TMEM237: variants seen among roughly 807,000 people sequenced by gnomAD.
TMEM237 encodes the protein transmembrane protein 237, also known as amyotrophic lateral sclerosis 2 (juvenile) chromosome region, candidate 4.
TMEM237 carries 51 observed loss-of-function variants against 59.1 expected under a neutral mutation model. The observed-to-expected ratio is 0.86, with a 90% CI of 0.69 to 1.09. The LOEUF is 1.09. Ranked by LOEUF, TMEM237 falls within the 50% of genes least tolerant of loss-of-function variation. TMEM237 has a pLI of 0.00. For missense variants in TMEM237, 475 were observed against 478.3 expected, an observed-to-expected ratio of 0.99 and a Z score of 0.06; for synonymous variants, 140 against 166.1, an observed-to-expected ratio of 0.84 and a Z score of 1.21.
chr2:201,631,373 T>C (rs1040472063), intron 7 of TMEM237: 4 of 152,196 alleles, frequency 2.6e-5, no homozygotes, highest in Non-Finnish European at 5.9e-5. Flanking sequence ...GTCGGTGGTA[T>C]TTTGTTATAG....
chr2:201,623,161 A>G lies in TMEM237; in HGVS notation c.*1094T>C. 3.4e-6 allele frequency: 1 copy of G among 290,238 alleles called. No individual in the cohort carries two copies. 18.0% of individuals were successfully genotyped at this position (290,238 alleles called of 1,614,324 possible). On this transcript the variant is annotated 3_prime_UTR_variant, in exon 13 of 13. Coordinates refer to ENST00000409883, the MANE Select transcript of TMEM237 (RefSeq NM_001044385.3). ...TCAGGGTCAACTGTCTCTATCATCA[A>G]TTTGTCAATCCTCTTCTGTTCTATA...
chr2:201,628,642 T>C (rs115051264), intron 9 of TMEM237, among the ~76,000 whole-genome samples: 1 of 152,164 alleles, frequency 6.6e-6, no homozygotes, highest in Admixed American at 6.5e-5. Flanking sequence ...CTTATTAGAA[T>C]AGACACAGAT....
Position 201,636,774 on chromosome 2 carries a change from C to T in TMEM237, c.248G>A (p.Arg83Lys). The stretch of plus-strand genomic sequence containing the variant: ...AAGAGGTAGCCTTGTCTTTTTCTGT[C>T]TTCTTTGAACAGGAGCCTCTGGGTG... ...KEHPEAPVQR[R>K]QKKTRLPLEL... The change falls in exon 5 of 13, where the codon AGA (arginine) becomes AAA (lysine). Residue 83 changes from arginine (R) to lysine (K), a missense_variant. Transcript: ENST00000409883. 1 of 1,580,854 alleles carries T rather than the reference C, an allele frequency of 6.3e-7. No individual in the cohort carries two copies. Among genetic ancestry groups the T allele is most frequent in the Non-Finnish European group, 8.6e-7 (1 of 1,162,372 alleles).
chr2:201,640,287 A>C (rs1187295663), intron 2 of TMEM237, 22 bp from the exon 3 acceptor site: 2 of 1,550,580 alleles, frequency 1.3e-6, no homozygotes, highest in Admixed American at 1.9e-5. Context: ...TATAACACCA[A>C]ACAAATTTAA....
chr2:201,624,449 G>A, intron 12 of TMEM237, 127 bp from the exon 13 acceptor site: 2 of 508,386 alleles, frequency 3.9e-6, no homozygotes, highest in Non-Finnish European at 6.6e-6. Flanking sequence ...AAGCCCTCAA[G>A]TAAGATTTCT....
At chr2:201,639,126 A>T (rs1687361968) in intron 3 of TMEM237, 81 bp from the exon 4 acceptor site, 2 of 1,302,418 alleles carry the variant, frequency 1.5e-6, no homozygotes, top group Non-Finnish European at 2.1e-6. Flanking sequence ...ACTTTTAAAC[A>T]GGGAAGAATT....
At chr2:201,624,710 A>AAG (rs1167891023) in intron 12 of TMEM237, among the ~76,000 whole-genome samples, 1 of 152,186 alleles carries the variant, frequency 6.6e-6, no homozygotes, top group African/African-American at 2.4e-5. Flanking sequence ...TGGAACTAAC[A>AAG]AGAGATGTGT....
In TMEM237 at chr2:201,622,641, A is replaced by G. The variant is rs1957718859; in HGVS notation, c.*1614T>C. The G allele has an allele frequency of 1.3e-5, 2 of 152,284 alleles. No individual in the cohort carries two copies. 9.4% of individuals were successfully genotyped at this position (152,284 alleles called of 1,614,324 possible). A position where few individuals can be genotyped will look rare whatever the true frequency, so the allele number is the denominator to read the frequency against. ...ATAAAAGGCTTTCTTCTCTGCTTTT[A>G]AGGACTCATAAGATTACACTGGACC... On this transcript the variant is annotated 3_prime_UTR_variant, in exon 13 of 13. Coordinates refer to ENST00000409883, the MANE Select transcript of TMEM237 (RefSeq NM_001044385.3).
chr2:201,641,222 C>T (rs1415741171), intron 1 of TMEM237, among the ~76,000 whole-genome samples: 1 of 152,142 alleles, frequency 6.6e-6, no homozygotes, highest in Non-Finnish European at 1.5e-5. Flanking sequence ...GAACTCCTGA[C>T]CTCAGGAAAT....
At chr2:201,627,530 T>G (rs983817431) in intron 10 of TMEM237, 116 bp from the exon 11 acceptor site, 307 of 653,582 alleles carry the variant, frequency 4.7e-4, no homozygotes, top group Non-Finnish European at 8.9e-5. Context: ...TAAAAGAAAT[T>G]TATTTGACCA....
At chr2:201,641,608 T>C (rs1559591203) in intron 1 of TMEM237, among the ~76,000 whole-genome samples, 1 of 151,134 alleles carries the variant, frequency 6.6e-6, no homozygotes. Context: ...GTTAAAAATA[T>C]ATATATGATA....
Position 201,635,076 on chromosome 2 carries a change from AT to A in TMEM237, c.275-1646del, listed in dbSNP as rs1230608748. 6.6e-6 allele frequency among the ~76,000 whole-genome samples: 1 copy of A among 152,236 alleles called. No homozygotes were observed. Among genetic ancestry groups the A allele is most frequent in the Non-Finnish European group, 1.5e-5 (1 of 68,040 alleles). ...AAAATATAAAAAATTAGTAAAATAA[AT>A]GAAGGAAGAAAATTTTAAAAATCAT... On this transcript the variant is annotated intron_variant, in intron 5 of 12. Transcript: ENST00000409883. The surrounding 1 kb of genome is among the most constrained non-coding windows in gnomAD (Gnocchi z 4.5).
At chr2:201,642,583 A>G (rs748610314) in intron 1 of TMEM237, 30 of 1,602,276 alleles carry the variant, frequency 1.9e-5, no homozygotes, top group Non-Finnish European at 2.4e-5. Context: ...AATCCTAACA[A>G]TTAAAAGTAG....
chr2:201,642,952 G>A (rs1687460810), intron 1 of TMEM237: 2 of 1,318,214 alleles, frequency 1.5e-6, no homozygotes, highest in African/African-American at 3.1e-5. Context: ...GAAGCGGGGC[G>A]TGACGGAAGA....
Position 201,628,116 on chromosome 2 carries a change from T to C in TMEM237, c.903A>G (p.Arg301=), listed in dbSNP as rs1957775518. 6.2e-7 allele frequency: 1 copy of C among 1,607,966 alleles called. No individual in the cohort carries two copies. The highest frequency in any genetic ancestry group is 1.7e-5 in the Admixed American group (1 of 59,402). Residue 301 remains arginine (R), a synonymous_variant, in exon 10 of 13, where the codon CGA becomes CGG. Transcript: ENST00000409883. ...IDFAKISVAI[R]NFLALDPTAL... is the part of the protein sequence containing the mutation. ...CTGTAGGATCCAGGGCCAAAAAATTTCGGATTGCTACTGATATTTTAGCAA... is the reference window on the plus strand; with the variant it reads ...CTGTAGGATCCAGGGCCAAAAAATTCCGGATTGCTACTGATATTTTAGCAA...
At chr2:201,634,204 C>A (rs1405001322) in intron 5 of TMEM237, among the ~76,000 whole-genome samples, 1 of 152,172 alleles carries the variant, frequency 6.6e-6, no homozygotes, top group Non-Finnish European at 1.5e-5. Flanking sequence ...TATATTAACT[C>A]TTTTCTGCAC....
At chr2:201,642,885 C>G in intron 1 of TMEM237, 4 of 1,335,732 alleles carry the variant, frequency 3.0e-6, no homozygotes, top group Non-Finnish European at 3.8e-6. Context: ...GCGACCGTGG[C>G]GCTGCAATCA....
At chr2:201,628,902 T>C (rs1481066396) in intron 9 of TMEM237, among the ~76,000 whole-genome samples, 1 of 152,200 alleles carries the variant, frequency 6.6e-6, no homozygotes, top group East Asian at 1.9e-4. Context: ...TGGTACTTTG[T>C]TACAGCAGTG....
Position 201,620,208 on chromosome 2 carries a change from T to C in TMEM237, c.*4047A>G, listed in dbSNP as rs1957683221. 1 of 152,212 alleles carries C rather than the reference T, an allele frequency of 6.6e-6. No homozygotes were observed. The highest frequency in any genetic ancestry group is 1.5e-5 in the Non-Finnish European group (1 of 68,034). 9.4% of individuals were successfully genotyped at this position (152,212 alleles called of 1,614,324 possible). A position where few individuals can be genotyped will look rare whatever the true frequency, so the allele number is the denominator to read the frequency against. On this transcript the variant is annotated 3_prime_UTR_variant, in exon 13 of 13. Transcript: ENST00000409883. Reference sequence around the variant, plus strand: ...CCAGAGAATTCCAGAACTTCTTTATTGTACATAAAAATCTGAATTTCTTAA... The same window carrying C: ...CCAGAGAATTCCAGAACTTCTTTATCGTACATAAAAATCTGAATTTCTTAA...
Sources: gnomAD v4.1 joint callset for allele counts (sites outside exome capture counted in the v4.1 genomes callset) on GRCh38, gnomAD v4.1.1 for gene constraint, Gnocchi (gnomAD v3.1) non-coding constraint, MANE v1.5 for transcripts, NCBI Gene and HGNC (gene_info 2026-07-23, HGNC 2026-07-21) for gene names.